The following CYP7B1 variants were observed in gnomAD, a reference collection of about 807,000 sequenced individuals.
CYP7B1 encodes cytochrome P450 7B1.
A neutral mutation model predicts 42.7 loss-of-function variants in CYP7B1; 29 were observed. That is an observed-to-expected ratio of 0.68 (90% confidence interval 0.51 to 0.93). The LOEUF is 0.93. Ranked by LOEUF, CYP7B1 falls within the 40% of genes least tolerant of loss-of-function variation. CYP7B1 has a pLI of 0.00. For missense variants in CYP7B1, 655 were observed against 600.5 expected (o/e 1.09, Z -0.95); for synonymous variants, 235 against 218.2 (o/e 1.08, Z -0.68).
At chr8:64,664,655 T>C (rs1206134751) in intron 1 of CYP7B1, among the ~76,000 whole-genome samples, 1 of 152,186 alleles carries the variant, frequency 6.6e-6, no homozygotes, top group Non-Finnish European at 1.5e-5. Context: ...TAAGCAGATG[T>C]CCTTTCACCC....
intron 1 of CYP7B1, among the ~76,000 whole-genome samples, chr8:64,635,205 C>G (rs945424286): frequency 2.0e-5 from 3 of 152,190 alleles, no homozygotes; most frequent in Admixed American, 6.5e-5. Context: ...AATCTCTTCT[C>G]AGGATGAACA....
intron 1 of CYP7B1, among the ~76,000 whole-genome samples, chr8:64,698,340 G>GA (rs140612301): frequency 4.6e-5 from 7 of 151,848 alleles, no homozygotes; most frequent in African/African-American, 1.7e-4. Context: ...GCAGGGGGGG[G>GA]AAAAAAACTA....
intron 4 of CYP7B1, 130 bp from the exon 5 acceptor site, chr8:64,604,987 A>G: frequency 9.1e-7 from 1 of 1,103,318 alleles, no homozygotes; most frequent in Non-Finnish European, 1.3e-6. Flanking sequence ...ACATACATTG[A>G]GCACCAAGAG....
At chr8:64,711,734 T>A (rs917674139) in intron 1 of CYP7B1, among the ~76,000 whole-genome samples, 7 of 152,160 alleles carry the variant, frequency 4.6e-5, no homozygotes, top group Non-Finnish European at 8.8e-5. Flanking sequence ...CTTCCTTCTA[T>A]AAAACAATAT....
At position 64,718,427 on chromosome 8, in the gene CYP7B1, A is replaced by G. The variant is rs150911253; in HGVS notation, c.122+80039T>C. ...CTAAGCACCAGGGTTTCTGCCCTGA[A>G]TCTTCCTAGGCTTACACCTCTCTCC... On this transcript the variant is annotated intron_variant, in intron 1 of 5. Coordinates refer to ENST00000310193, the MANE Select transcript of CYP7B1 (RefSeq NM_004820.5). Among the ~76,000 whole-genome samples, 1,271 of 152,254 alleles carry G rather than the reference A, an allele frequency of 8.3e-3. 16 individuals carry two copies. The highest frequency in any genetic ancestry group is 9.5e-3 in the Non-Finnish European group (643 of 68,002).
intron 1 of CYP7B1, among the ~76,000 whole-genome samples, chr8:64,636,498 T>C (rs2129630853): frequency 6.6e-6 from 1 of 152,320 alleles, no homozygotes; most frequent in African/African-American, 2.4e-5. Flanking sequence ...TGGGATCATC[T>C]AAAATACAAA....
At chr8:64,630,851 T>A (rs1805684992) in intron 1 of CYP7B1, among the ~76,000 whole-genome samples, 1 of 152,116 alleles carries the variant, frequency 6.6e-6, no homozygotes, top group Non-Finnish European at 1.5e-5. Context: ...ATAGAAGAAG[T>A]GAACAAGAAT....
At chr8:64,701,255 TCTC>T (rs1426846961) in intron 1 of CYP7B1, among the ~76,000 whole-genome samples, 2 of 151,996 alleles carry the variant, frequency 1.3e-5, no homozygotes, top group African/African-American at 4.8e-5. Flanking sequence ...TGAACCCAGT[TCTC>T]ATCTCTTCCT....
intron 1 of CYP7B1, among the ~76,000 whole-genome samples, chr8:64,701,672 A>G (rs922341405): frequency 6.6e-6 from 1 of 152,102 alleles, no homozygotes; most frequent in Admixed American, 6.6e-5. Context: ...AGAGGAAAAA[A>G]CAGAGATAGG....
chr8:64,767,493 G>C (rs1009548099), intron 1 of CYP7B1, among the ~76,000 whole-genome samples: 1 of 152,210 alleles, frequency 6.6e-6, no homozygotes, highest in African/African-American at 2.4e-5. Flanking sequence ...GGAACCTCAC[G>C]AGGACATAGT....
At chr8:64,760,321 C>T (rs1807870133) in intron 1 of CYP7B1, among the ~76,000 whole-genome samples, 1 of 151,936 alleles carries the variant, frequency 6.6e-6, no homozygotes, top group Non-Finnish European at 1.5e-5. Flanking sequence ...TTGGTTATGA[C>T]ACCAAAAGCA....
In CYP7B1 at chr8:64,591,000, ATAATAT is replaced by A. The variant is rs1211893407; in HGVS notation, c.*5636_*5641del. 6.6e-6 allele frequency among the ~76,000 whole-genome samples: 1 copy of A among 152,186 alleles called. No individual in the cohort carries two copies. The highest frequency in any genetic ancestry group is 1.5e-5 in the Non-Finnish European group (1 of 67,988). On this transcript the variant is annotated 3_prime_UTR_variant, in exon 6 of 6. Transcript: ENST00000310193. The stretch of plus-strand genomic sequence containing the variant: ...CATATATGTCATTTTAAAATCAAAG[ATAATAT>A]TAAACAATTTCAGAAAATTGTTTTA...
At chr8:64,643,162 C>CATATATATACATATAT (rs781343197) in intron 1 of CYP7B1, among the ~76,000 whole-genome samples, 2 of 29,338 alleles carry the variant, frequency 6.8e-5, no homozygotes, top group Admixed American at 3.8e-4. Flanking sequence ...TACATATATA[C>CATATATATACATATAT]ACATATATAC....
At chr8:64,732,174 C>T (rs539561725) in intron 1 of CYP7B1, among the ~76,000 whole-genome samples, 274 of 152,266 alleles carry the variant, frequency 1.8e-3, no homozygotes, top group African/African-American at 6.1e-3. Context: ...TTGTACTGTG[C>T]ACCTGGAAAA....
Position 64,609,041 on chromosome 8 carries a change from A to G in CYP7B1, c.1058-4184T>C, listed in dbSNP as rs146011132. ...CTGGTGTGAAAAAGGAACACAGCAC[A>G]TGGACTTGGCCTTCATGGACAATGC... On this transcript the variant is annotated intron_variant, in intron 4 of 5. Coordinates refer to ENST00000310193, the MANE Select transcript of CYP7B1 (RefSeq NM_004820.5). 5.2e-3 allele frequency among the ~76,000 whole-genome samples: 786 copies of G among 152,292 alleles called. 7 individuals carry two copies. Among genetic ancestry groups the G allele is most frequent in the African/African-American group, 0.016 (672 of 41,560 alleles).
chr8:64,662,161 C>T (rs1563381197), intron 1 of CYP7B1, among the ~76,000 whole-genome samples: 1 of 151,922 alleles, frequency 6.6e-6, no homozygotes, highest in Non-Finnish European at 1.5e-5. Context: ...GCAAGACCTC[C>T]ATATCTACAA....
In CYP7B1 at chr8:64,590,956, T is replaced by C. The variant is rs1478817654; in HGVS notation, c.*5686A>G. ...CTTATCTGACATCTTTTAGGACAAT[T>C]TGATTCATTGTAAATCCACATATAT... On this transcript the variant is annotated 3_prime_UTR_variant, in exon 6 of 6. Transcript: ENST00000310193. Among the ~76,000 whole-genome samples, 1 of 152,156 alleles carries C rather than the reference T, an allele frequency of 6.6e-6. No individual in the cohort carries two copies. The highest frequency in any genetic ancestry group is 1.5e-5 in the Non-Finnish European group (1 of 67,976).
intron 1 of CYP7B1, among the ~76,000 whole-genome samples, chr8:64,688,259 C>A (rs1806686373): frequency 6.6e-6 from 1 of 152,172 alleles, no homozygotes; most frequent in Non-Finnish European, 1.5e-5. Context: ...TCTCTCTGAG[C>A]AAAGCTTTAG....
chr8:64,785,563 A>G (rs1804510571), intron 1 of CYP7B1, among the ~76,000 whole-genome samples: 1 of 152,208 alleles, frequency 6.6e-6, no homozygotes, highest in Non-Finnish European at 1.5e-5. Flanking sequence ...AGACATGGAA[A>G]AACCTTAAAG....
Sources: allele counts gnomAD v4.1 joint callset (sites outside exome capture counted in the v4.1 genomes callset), GRCh38; gene constraint gnomAD v4.1.1; transcripts MANE v1.5; gene names NCBI Gene and HGNC (gene_info 2026-07-23, HGNC 2026-07-21).